Variants in ANKIB1 observed in about 807,000 individuals in gnomAD.
ANKIB1 encodes the protein ankyrin repeat and IBR domain containing 1, also known as ankyrin repeat and IBR domain-containing protein 1.
In ANKIB1, 43 loss-of-function variants were observed where a neutral mutation model predicts 122.1. The observed-to-expected ratio is 0.35, with a 90% confidence interval of 0.28 to 0.45. ANKIB1 has a LOEUF of 0.45. Ranked by LOEUF, ANKIB1 falls within the 20% of genes least tolerant of loss-of-function variation. ANKIB1 has a pLI of 1.00. For missense variants in ANKIB1, 992 were observed against 1,329.5 expected, an observed-to-expected ratio of 0.75 and a Z score of 3.95; for synonymous variants, 390 against 442.0, an observed-to-expected ratio of 0.88 and a Z score of 1.48.
At chr7:92,335,430 T>TA (rs1031344880) in intron 5 of ANKIB1, among the ~76,000 whole-genome samples, 84 of 152,094 alleles carry the variant, frequency 5.5e-4, no homozygotes, top group African/African-American at 2.0e-3. Flanking sequence ...TTGTTTTTAC[T>TA]AATAAAAATT....
At chr7:92,387,027 A>G (rs1443614553) in intron 12 of ANKIB1, among the ~76,000 whole-genome samples, 6 of 152,166 alleles carry the variant, frequency 3.9e-5, no homozygotes, top group Non-Finnish European at 8.8e-5. Context: ...TCACAGTTGT[A>G]GAGGTTGTGA....
rs142922493 is a variant in ANKIB1 at position 92,334,484 on chromosome 7, G to T, written c.787+6584G>T. ...AGATTCTAGAAAATTATCTTACAAA[G>T]AATTGTTTCCTGATTTAGGTATGAA... On this transcript the variant is annotated intron_variant, in intron 5 of 19. Transcript: ENST00000265742. Among the ~76,000 whole-genome samples, 169 of 151,986 alleles carry T rather than the reference G, an allele frequency of 1.1e-3. 3 individuals are homozygous for T. The East Asian group carries it at 0.027, about 24-fold the overall frequency.
chr7:92,260,938 C>G, intron 1 of ANKIB1, among the ~76,000 whole-genome samples: 1 of 152,216 alleles, frequency 6.6e-6, no homozygotes, highest in East Asian at 1.9e-4. Flanking sequence ...GAGAAGTACA[C>G]TTGAAAAAAT....
intron 10 of ANKIB1, among the ~76,000 whole-genome samples, chr7:92,362,517 G>A (rs1054533185): frequency 2.6e-5 from 4 of 151,938 alleles, no homozygotes; most frequent in African/African-American, 9.7e-5. Context: ...AGTTAAACAG[G>A]GTAAATGGGG....
chr7:92,388,010 G>A lies in ANKIB1; in HGVS notation c.1875G>A (p.Lys625=). 6.3e-7 allele frequency: 1 copy of A among 1,579,092 alleles called. No individual in the cohort carries two copies. The highest frequency in any genetic ancestry group is 8.6e-7 in the Non-Finnish European group (1 of 1,161,332). Residue 625 remains lysine (K), a synonymous_variant, in exon 14 of 20, where the codon AAG becomes AAA. Coordinates refer to ENST00000265742, the MANE Select transcript of ANKIB1 (RefSeq NM_019004.2). ...GCCTTCTTAAAACAGCCAAAGAAAA[G>A]ATGGAGCAATTGAGCAGAGCTCTCA... ...EQRLLKTAKE[K]MEQLSRALKE...
chr7:92,253,503 A>G (rs1436456196), intron 1 of ANKIB1, among the ~76,000 whole-genome samples: 1 of 152,196 alleles, frequency 6.6e-6, no homozygotes, highest in Non-Finnish European at 1.5e-5. Flanking sequence ...TCTTCCCAAC[A>G]TGACCTCACT....
chr7:92,363,555 G>C (rs906735797), intron 10 of ANKIB1, among the ~76,000 whole-genome samples: 1 of 152,244 alleles, frequency 6.6e-6, no homozygotes, highest in African/African-American at 2.4e-5. Flanking sequence ...AAAGATGAGA[G>C]TACAGAAACA....
intron 1 of ANKIB1, among the ~76,000 whole-genome samples, chr7:92,248,132 G>A (rs913660996): frequency 4.6e-5 from 7 of 152,210 alleles, no homozygotes; most frequent in South Asian, 4.1e-4. Context: ...GGTGATGGGC[G>A]CTATCTTGGA....
chr7:92,328,022 T>C, intron 5 of ANKIB1, 122 bp downstream of exon 5: 1 of 640,896 alleles, frequency 1.6e-6, no homozygotes. Flanking sequence ...AAAGCCTAAG[T>C]TGTGTTTTGT....
At chr7:92,286,992 C>T (rs899895031) in intron 1 of ANKIB1, among the ~76,000 whole-genome samples, 8 of 152,196 alleles carry the variant, frequency 5.3e-5, no homozygotes, top group Non-Finnish European at 1.2e-4. Context: ...AATTGGTCTT[C>T]CTGTTTCTAT....
intron 3 of ANKIB1, among the ~76,000 whole-genome samples, chr7:92,311,052 TA>T (rs1303513089): frequency 6.6e-6 from 1 of 152,212 alleles, no homozygotes; most frequent in Non-Finnish European, 1.5e-5. Context: ...TTAATTTAAA[TA>T]TTTTTTTTCT....
At chr7:92,392,625 A>G (rs1382135501) in intron 17 of ANKIB1, among the ~76,000 whole-genome samples, 1 of 152,062 alleles carries the variant, frequency 6.6e-6, no homozygotes, top group South Asian at 2.1e-4. Flanking sequence ...TATTGTTTTA[A>G]TCTGAAACTA....
chr7:92,262,261 A>C (rs1801581527), intron 1 of ANKIB1, among the ~76,000 whole-genome samples: 1 of 152,222 alleles, frequency 6.6e-6, no homozygotes, highest in Non-Finnish European at 1.5e-5. Flanking sequence ...CTGAAGATGT[A>C]TGCAGTATAA....
At chr7:92,382,298 T>TA (rs1161130806) in intron 11 of ANKIB1, among the ~76,000 whole-genome samples, 2 of 152,132 alleles carry the variant, frequency 1.3e-5, no homozygotes. Flanking sequence ...TGGGAGACTT[T>TA]AACACCCCAC....
chr7:92,354,945 A>G (rs1474811768), intron 9 of ANKIB1, among the ~76,000 whole-genome samples: 1 of 152,264 alleles, frequency 6.6e-6, no homozygotes, highest in Non-Finnish European at 1.5e-5. Context: ...ACAACAAACG[A>G]CAATAATAAT....
intron 9 of ANKIB1, among the ~76,000 whole-genome samples, chr7:92,359,169 C>G (rs1371487643): frequency 6.6e-6 from 1 of 152,182 alleles, no homozygotes; most frequent in Non-Finnish European, 1.5e-5. Context: ...TTTGCTGCAC[C>G]TATCAACCTG....
At chr7:92,276,638 GATTATAAA>G (rs1168243644) in intron 1 of ANKIB1, among the ~76,000 whole-genome samples, 3 of 152,206 alleles carry the variant, frequency 2.0e-5, no homozygotes, top group Non-Finnish European at 2.9e-5. Context: ...AAATTTCATT[GATTATAAA>G]GGTCTATCAT....
At chr7:92,291,800 C>T (rs868653253) in intron 1 of ANKIB1, among the ~76,000 whole-genome samples, 3 of 152,016 alleles carry the variant, frequency 2.0e-5, no homozygotes, top group African/African-American at 4.8e-5. Context: ...TGGTCTTGAA[C>T]GCCTGACCTC....
intron 1 of ANKIB1, among the ~76,000 whole-genome samples, chr7:92,261,601 A>G (rs1801566630): frequency 6.6e-6 from 1 of 151,994 alleles, no homozygotes; most frequent in Admixed American, 6.5e-5. Flanking sequence ...TTTTTTTCAT[A>G]TTCTCCAAGA....
Sources: allele counts gnomAD v4.1 joint callset (sites outside exome capture counted in the v4.1 genomes callset), GRCh38; gene constraint gnomAD v4.1.1; transcripts MANE v1.5; gene names NCBI Gene and HGNC (gene_info 2026-07-23, HGNC 2026-07-21).